The following RNGTT variants were observed in gnomAD, a reference collection of about 807,000 sequenced individuals.
RNGTT encodes the protein RNA guanylyltransferase and 5'-phosphatase.
Under a neutral mutation model 79.3 loss-of-function variants are expected in RNGTT, and 33 were observed. The observed-to-expected ratio is 0.42, with a 90% CI of 0.32 to 0.56. RNGTT has a LOEUF of 0.56. Among genes scored for constraint, RNGTT ranks in the 20% least tolerant of loss-of-function variants. The probability of loss-of-function intolerance (pLI) is 0.17; values close to 1 mark genes in which losing one functional copy is unlikely to be tolerated. For missense variants in RNGTT, 497 were observed against 739.1 expected, an observed-to-expected ratio of 0.67 and a Z score of 3.80; for synonymous variants, 222 against 235.9, an observed-to-expected ratio of 0.94 and a Z score of 0.54.
chr6:88,649,132 C>A (rs1260995012), intron 14 of RNGTT, among the ~76,000 whole-genome samples: 1 of 152,070 alleles, frequency 6.6e-6, no homozygotes. Flanking sequence ...AACCTATCAT[C>A]GATGTTAAGT....
intron 12 of RNGTT, among the ~76,000 whole-genome samples, chr6:88,796,424 G>T (rs941318119): frequency 1.3e-5 from 2 of 152,102 alleles, no homozygotes; most frequent in African/African-American, 4.8e-5. Flanking sequence ...TACTGAAATA[G>T]GCTGAGTATA....
chr6:88,776,444 C>T (rs1364158244), intron 12 of RNGTT, among the ~76,000 whole-genome samples: 1 of 151,980 alleles, frequency 6.6e-6, no homozygotes, highest in Non-Finnish European at 1.5e-5. Flanking sequence ...CTCAGCCTCC[C>T]AAGTAGCTGA....
At chr6:88,897,940 G>C (rs1783308375) in intron 6 of RNGTT, among the ~76,000 whole-genome samples, 2 of 152,120 alleles carry the variant, frequency 1.3e-5, no homozygotes, top group African/African-American at 4.8e-5. Flanking sequence ...TGCAGGAAGA[G>C]TGAGCTCAGG....
At chr6:88,783,539 C>T (rs540262922) in intron 12 of RNGTT, among the ~76,000 whole-genome samples, 4 of 151,898 alleles carry the variant, frequency 2.6e-5, no homozygotes, top group Admixed American at 6.6e-5. Flanking sequence ...AATTTCTATA[C>T]GTCAAAAAAG....
intron 4 of RNGTT, among the ~76,000 whole-genome samples, chr6:88,912,099 A>T (rs1266142313): frequency 1.3e-5 from 2 of 151,874 alleles, no homozygotes; most frequent in African/African-American, 2.4e-5. Context: ...TAAAATAAAA[A>T]GAAGAAGAAG....
chr6:88,691,129 T>C (rs1582335770), intron 13 of RNGTT, among the ~76,000 whole-genome samples: 1 of 152,074 alleles, frequency 6.6e-6, no homozygotes, highest in South Asian at 2.1e-4. Flanking sequence ...TGGTGGGAGG[T>C]GACCAGCTCA....
chr6:88,720,548 T>C (rs1383378082), intron 13 of RNGTT, among the ~76,000 whole-genome samples: 3 of 152,164 alleles, frequency 2.0e-5, no homozygotes, highest in East Asian at 3.9e-4. Flanking sequence ...CTCCCAATCA[T>C]CCTTAATTAC....
At chr6:88,686,622 G>A (rs1339391259) in intron 13 of RNGTT, among the ~76,000 whole-genome samples, 5 of 152,038 alleles carry the variant, frequency 3.3e-5, no homozygotes, top group South Asian at 2.1e-4. Context: ...ACAGACCTAC[G>A]CATAGGCACT....
chr6:88,933,463 C>T (rs540888640), intron 2 of RNGTT, among the ~76,000 whole-genome samples: 1 of 152,204 alleles, frequency 6.6e-6, no homozygotes, highest in Non-Finnish European at 1.5e-5. Flanking sequence ...TATCATTCTA[C>T]TCTCTATGTC....
chr6:88,759,620 C>T (rs1410393826), intron 13 of RNGTT, among the ~76,000 whole-genome samples: 2 of 152,118 alleles, frequency 1.3e-5, no homozygotes, highest in African/African-American at 4.8e-5. Flanking sequence ...TTCTTCACTG[C>T]CTTCCTCCAT....
chr6:88,661,654 C>T (rs1372745608), intron 14 of RNGTT, among the ~76,000 whole-genome samples: 2 of 152,072 alleles, frequency 1.3e-5, no homozygotes, highest in Non-Finnish European at 2.9e-5. Flanking sequence ...AGACCAATAA[C>T]AAGTAGTGAG....
chr6:88,768,827 T>C (rs1331762939), intron 13 of RNGTT, among the ~76,000 whole-genome samples: 1 of 150,584 alleles, frequency 6.6e-6, no homozygotes, highest in Non-Finnish European at 1.5e-5. Context: ...TGCTAAAGCA[T>C]CTTTTATTCT....
chr6:88,768,618 A>G (rs1028556292), intron 13 of RNGTT, among the ~76,000 whole-genome samples: 1 of 152,176 alleles, frequency 6.6e-6, no homozygotes, highest in African/African-American at 2.4e-5. Context: ...TTTACCTTTG[A>G]TAAGTAAAAA....
At position 88,614,312 on chromosome 6, in the gene RNGTT, T is replaced by C. The variant is rs750197477; in HGVS notation, c.1590A>G (p.Arg530=). ...ENNSWVFMRQ[R]TDKSFPNAYN... Reference sequence around the variant, plus strand: ...AGGCATTAGGAAAACTTTTGTCTGTTCTCTGTCTCATGAAGACCCAGCTGT... The same window carrying C: ...AGGCATTAGGAAAACTTTTGTCTGTCCTCTGTCTCATGAAGACCCAGCTGT... The change falls in exon 15 of 16, where the codon AGA becomes AGG. Residue 530 remains arginine, a synonymous_variant. Transcript: ENST00000369485. 13 of 1,613,854 alleles carry C rather than the reference T, an allele frequency of 8.1e-6. No homozygotes were observed. Among genetic ancestry groups the C allele is most frequent in the Non-Finnish European group, 3.4e-6 (4 of 1,179,856 alleles).
chr6:88,629,891 G>A (rs762868715), intron 14 of RNGTT, among the ~76,000 whole-genome samples: 9 of 152,178 alleles, frequency 5.9e-5, no homozygotes, highest in Non-Finnish European at 1.3e-4. Context: ...CAAGTGGTGA[G>A]TATTTTACAG....
At chr6:88,625,758 C>CA (rs72458928) in intron 14 of RNGTT, among the ~76,000 whole-genome samples, 3,059 of 150,948 alleles carry the variant, frequency 0.02, 37 homozygotes, top group African/African-American at 0.031. Flanking sequence ...AAAAATAATA[C>CA]AAAAAAAACA....
intron 6 of RNGTT, among the ~76,000 whole-genome samples, chr6:88,892,169 A>C (rs1783072654): frequency 6.6e-6 from 1 of 152,012 alleles, no homozygotes; most frequent in African/African-American, 2.4e-5. Context: ...CAGTAATAAT[A>C]ATTTATCTAC....
intron 1 of RNGTT, among the ~76,000 whole-genome samples, chr6:88,957,667 T>C: frequency 6.6e-6 from 1 of 152,268 alleles, no homozygotes; most frequent in Non-Finnish European, 1.5e-5. Context: ...GGAATATACC[T>C]AACCAAGGAG....
intron 6 of RNGTT, among the ~76,000 whole-genome samples, chr6:88,904,383 G>A (rs192773675): frequency 6.6e-6 from 1 of 151,996 alleles, no homozygotes; most frequent in Non-Finnish European, 1.5e-5. Flanking sequence ...AATCCAGACT[G>A]GTCAACAAAG....
Sources: gnomAD v4.1 joint callset for allele counts (sites outside exome capture counted in the v4.1 genomes callset) on GRCh38, gnomAD v4.1.1 for gene constraint, MANE v1.5 for transcripts, NCBI Gene and HGNC (gene_info 2026-07-23, HGNC 2026-07-21) for gene names.